OPCML: variants seen among roughly 807,000 people sequenced by gnomAD.
OPCML encodes the protein opioid-binding protein/cell adhesion molecule.
In OPCML, 13 loss-of-function variants were observed where a neutral mutation model predicts 37.8. The observed-to-expected ratio is 0.34, with a 90% CI of 0.22 to 0.55. The LOEUF (loss-of-function observed/expected upper bound fraction) is 0.55. Ranked by LOEUF, OPCML falls within the 20% of genes least tolerant of loss-of-function variation. OPCML has a pLI of 0.91. For synonymous variants in OPCML, 176 were observed against 168.8 expected (o/e 1.04, Z -0.33); for missense variants, 341 against 435.6 (o/e 0.78, Z 1.93).
At chr11:133,515,865 A>G (rs1244383630) in intron 1 of OPCML, among the ~76,000 whole-genome samples, 1 of 151,104 alleles carries the variant, frequency 6.6e-6, no homozygotes, top group African/African-American at 2.5e-5. Flanking sequence ...AAAAGTTTCT[A>G]CTGATCTTAA....
At chr11:133,127,686 T>G (rs1043667635) in intron 1 of OPCML, among the ~76,000 whole-genome samples, 3 of 151,954 alleles carry the variant, frequency 2.0e-5, no homozygotes, top group Middle Eastern at 3.4e-3. Flanking sequence ...ATCTACAATG[T>G]GCACAGGCTT....
intron 1 of OPCML, among the ~76,000 whole-genome samples, chr11:133,197,918 T>TGGCACAA (rs1938600560): frequency 6.6e-6 from 1 of 152,164 alleles, no homozygotes; most frequent in Non-Finnish European, 1.5e-5. Context: ...AGAAGGCACA[T>TGGCACAA]GGCAGACACT....
intron 2 of OPCML, among the ~76,000 whole-genome samples, chr11:132,666,096 T>A (rs374098276): frequency 5.9e-5 from 9 of 152,170 alleles, no homozygotes; most frequent in Admixed American, 5.9e-4. Context: ...CACAGAACAC[T>A]GATACATGAG....
chr11:132,936,145 TA>T (rs1167289827), intron 2 of OPCML, among the ~76,000 whole-genome samples: 1 of 152,172 alleles, frequency 6.6e-6, no homozygotes, highest in African/African-American at 2.4e-5. Context: ...AAGGAGACTC[TA>T]AAGATGGGAC....
intron 1 of OPCML, among the ~76,000 whole-genome samples, chr11:133,307,960 A>G (rs894267898): frequency 3.9e-5 from 6 of 152,026 alleles, no homozygotes; most frequent in African/African-American, 1.4e-4. Flanking sequence ...CAATGAACAT[A>G]TATGGAGTTC....
intron 1 of OPCML, among the ~76,000 whole-genome samples, chr11:133,483,441 T>C (rs1947426794): frequency 6.6e-6 from 1 of 151,930 alleles, no homozygotes; most frequent in Admixed American, 6.6e-5. Flanking sequence ...GCAGATTAGC[T>C]AGATTGATTG....
rs187865125 is a variant in OPCML, at chr11:133,323,672, A to G, written c.61+208592T>C. Among the ~76,000 whole-genome samples, 470 of 152,322 alleles carry G rather than the reference A, an allele frequency of 3.1e-3. 2 individuals carry two copies. The highest frequency in any genetic ancestry group is 5.3e-3 in the Non-Finnish European group (358 of 68,036). On this transcript the variant is annotated intron_variant, in intron 1 of 7. Transcript: ENST00000524381. The stretch of plus-strand genomic sequence containing the variant: ...ATCCACTAGGCCACCAGGCAGGAGA[A>G]GTGAATATCACAGTCCAGGTATCGC...
At chr11:132,881,111 A>T (rs1437191177) in intron 2 of OPCML, among the ~76,000 whole-genome samples, 2 of 152,248 alleles carry the variant, frequency 1.3e-5, no homozygotes, top group Non-Finnish European at 2.9e-5. Context: ...GCCACCATTT[A>T]TTCTTTAGTT....
intron 1 of OPCML, among the ~76,000 whole-genome samples, chr11:133,397,284 C>T (rs940323685): frequency 3.9e-5 from 6 of 152,202 alleles, no homozygotes; most frequent in African/African-American, 1.4e-4. Flanking sequence ...TATAGAGTCA[C>T]TGGTACTCAA....
At chr11:133,483,449 T>C (rs1439347466) in intron 1 of OPCML, among the ~76,000 whole-genome samples, 2 of 151,922 alleles carry the variant, frequency 1.3e-5, no homozygotes, top group Non-Finnish European at 2.9e-5. Context: ...GCTAGATTGA[T>C]TGATAAATAG....
At chr11:133,061,926 A>G (rs894285345) in intron 1 of OPCML, among the ~76,000 whole-genome samples, 1 of 152,170 alleles carries the variant, frequency 6.6e-6, no homozygotes, top group African/African-American at 2.4e-5. Context: ...GAAAAGTTTG[A>G]GAATTTCATG....
At chr11:132,800,890 T>C (rs1327892363) in intron 2 of OPCML, among the ~76,000 whole-genome samples, 2 of 152,202 alleles carry the variant, frequency 1.3e-5, no homozygotes, top group African/African-American at 4.8e-5. Context: ...TTTTTTGGTG[T>C]TAGAGTAATA....
At chr11:132,542,068 T>A (rs1233438694) in intron 3 of OPCML, among the ~76,000 whole-genome samples, 3 of 152,206 alleles carry the variant, frequency 2.0e-5, no homozygotes, top group Admixed American at 1.3e-4. Context: ...TGATCCTTGG[T>A]TACAGATGAT....
At chr11:133,140,501 G>A (rs1416293049) in intron 1 of OPCML, among the ~76,000 whole-genome samples, 1 of 94,310 alleles carries the variant, frequency 1.1e-5, no homozygotes, top group Non-Finnish European at 2.3e-5. Flanking sequence ...GGTGACAAGA[G>A]ACTCTGTCTC....
chr11:133,290,445 C>G (rs909922039), intron 1 of OPCML, among the ~76,000 whole-genome samples: 4 of 152,140 alleles, frequency 2.6e-5, no homozygotes, highest in African/African-American at 9.7e-5. Flanking sequence ...TACTCTCCCC[C>G]GTAAGGACCA....
chr11:133,494,089 C>T (rs566561887), intron 1 of OPCML, among the ~76,000 whole-genome samples: 3 of 151,656 alleles, frequency 2.0e-5, no homozygotes, highest in South Asian at 2.1e-4. Context: ...CAAAAGAAGA[C>T]ATTTATGCAG....
intron 1 of OPCML, among the ~76,000 whole-genome samples, chr11:133,058,629 C>A (rs1314990013): frequency 6.6e-6 from 1 of 152,226 alleles, no homozygotes; most frequent in Non-Finnish European, 1.5e-5. Flanking sequence ...AGGGACCAGG[C>A]ATCTCGGAGC....
intron 3 of OPCML, among the ~76,000 whole-genome samples, chr11:132,607,440 C>T (rs1938373327): frequency 6.6e-6 from 1 of 152,206 alleles, no homozygotes; most frequent in Non-Finnish European, 1.5e-5. Context: ...ACCTTGAATA[C>T]ATTAGGAGGA....
rs149927904 is a variant in OPCML at position 133,483,188 on chromosome 11, A to G, written c.61+49076T>C. 2.0e-3 allele frequency among the ~76,000 whole-genome samples: 306 copies of G among 152,272 alleles called. 2 individuals are homozygous for G. Among genetic ancestry groups the G allele is most frequent in the African/African-American group, 6.9e-3 (288 of 41,582 alleles). On this transcript the variant is annotated intron_variant, in intron 1 of 7. Coordinates refer to ENST00000524381, the MANE Select transcript of OPCML (RefSeq NM_001012393.5). ...GTAATTAGAAAAATGTTGAGGTAAA[A>G]CAAAAATGAAATACCAGTTTGTATC...
Sources: allele counts gnomAD v4.1 joint callset (sites outside exome capture counted in the v4.1 genomes callset), GRCh38; gene constraint gnomAD v4.1.1; transcripts MANE v1.5; gene names NCBI Gene and HGNC (gene_info 2026-07-23, HGNC 2026-07-21).